The following EYS variants were observed in gnomAD, a reference collection of about 807,000 sequenced individuals.
The protein encoded by EYS is protein eyes shut homolog.
EYS carries 250 observed loss-of-function variants against 282.1 expected under a neutral mutation model. The ratio of observed to expected loss-of-function variants is 0.89; its 90% CI spans 0.80 to 0.98. The LOEUF (loss-of-function observed/expected upper bound fraction) is 0.98. Ranked by LOEUF, EYS falls within the 50% of genes least tolerant of loss-of-function variation. The pLI is 0.00. For synonymous variants in EYS, 1,355 were observed against 1,282.9 expected (o/e 1.06, Z -1.20); for missense variants, 4,016 against 3,709.0 (o/e 1.08, Z -2.15).
intron 22 of EYS, among the ~76,000 whole-genome samples, chr6:64,800,479 G>GT (rs941674037): frequency 7.9e-5 from 12 of 151,118 alleles, no homozygotes; most frequent in East Asian, 7.8e-4. Context: ...AACATATGCA[G>GT]TTTTTTTTCA....
intron 15 of EYS, among the ~76,000 whole-genome samples, chr6:64,941,238 A>T (rs1769080252): frequency 6.6e-6 from 1 of 151,880 alleles, no homozygotes; most frequent in Admixed American, 6.6e-5. Context: ...AAAATTATCC[A>T]GGCATGGTGT....
At chr6:64,210,883 G>A (rs533592248) in intron 31 of EYS, among the ~76,000 whole-genome samples, 1 of 152,180 alleles carries the variant, frequency 6.6e-6, no homozygotes, top group Non-Finnish European at 1.5e-5. Context: ...GAAGAAGGGT[G>A]AATTCTCTCT....
At chr6:64,544,479 T>G (rs1764787507) in intron 26 of EYS, among the ~76,000 whole-genome samples, 1 of 152,076 alleles carries the variant, frequency 6.6e-6, no homozygotes, top group African/African-American at 2.4e-5. Context: ...AATTGTGGTG[T>G]CACTTGAAGT....
rs1032960460 is a variant in EYS, at chr6:64,543,893, C to CT, written c.5644+46329dup. On this transcript the variant is annotated intron_variant, in intron 26 of 42. Transcript: ENST00000503581. ...GATCTTAAGGTATCACAAAGAGAAA[C>CT]TTGTAGGTTTAGTATTCAAACTTTA... is the stretch of plus-strand genomic sequence containing the variant. 1.0e-3 allele frequency among the ~76,000 whole-genome samples: 152 copies of CT among 152,206 alleles called. 1 individual carries two copies. The highest frequency in any genetic ancestry group is 3.4e-3 in the Middle Eastern group (1 of 294).
At chr6:64,807,022 GGT>G (rs1764450973) in intron 22 of EYS, among the ~76,000 whole-genome samples, 2 of 151,994 alleles carry the variant, frequency 1.3e-5, no homozygotes, top group South Asian at 2.1e-4. Context: ...AGCTTTTACA[GGT>G]TAATAAAACT....
chr6:64,026,904 G>C (rs1055892673), intron 33 of EYS, among the ~76,000 whole-genome samples: 3 of 152,174 alleles, frequency 2.0e-5, no homozygotes, highest in African/African-American at 4.8e-5. Flanking sequence ...AGGCAGACCT[G>C]GGGAAGTTTT....
chr6:64,768,406 T>C (rs1295569074), intron 22 of EYS, among the ~76,000 whole-genome samples: 2 of 152,190 alleles, frequency 1.3e-5, no homozygotes, highest in Non-Finnish European at 2.9e-5. Context: ...ACAGGGGTGA[T>C]GAAATTGAAT....
intron 5 of EYS, among the ~76,000 whole-genome samples, chr6:65,453,279 G>A (rs975989081): frequency 9.2e-5 from 14 of 152,102 alleles, no homozygotes; most frequent in East Asian, 3.9e-4. Flanking sequence ...CATTTAGATA[G>A]CATTTGGCAT....
rs1562199397 is a variant in EYS, at chr6:64,802,024, T to TTTTTTTC, written c.3443+11353_3443+11354insGAAAAAA. On this transcript the variant is annotated intron_variant, in intron 22 of 42. Coordinates refer to ENST00000503581, the MANE Select transcript of EYS (RefSeq NM_001142800.2). ...GAGAGTTATAACAAATTTCTTTTTCTTTTTTTTTCTTTTTTTTTTTTTTTT... is the reference window on the plus strand; with the variant it reads ...GAGAGTTATAACAAATTTCTTTTTCTTTTTTTCTTTTTTTTCTTTTTTTTTTTTTTTT... Among the ~76,000 whole-genome samples, 70 of 79,040 alleles carry TTTTTTTC rather than the reference T, an allele frequency of 8.9e-4. 1 individual carries two copies. The highest frequency in any genetic ancestry group is 4.1e-3 in the African/African-American group (67 of 16,242). The allele number at this position is 79,040 out of a possible 152,430, so 51.9% of individuals were successfully genotyped here. A position where few individuals can be genotyped will look rare whatever the true frequency, so the allele number is the denominator to read the frequency against.
rs574674119 is a variant in EYS, at chr6:64,942,492, C to T, written c.2381+3301G>A. On this transcript the variant is annotated intron_variant, in intron 15 of 42. Coordinates refer to ENST00000503581, the MANE Select transcript of EYS (RefSeq NM_001142800.2). ...ACTGTCTACATTAACAAAGAAAAAA[C>T]GACAGAAGATCCAAATAAGTACAGT... Among the ~76,000 whole-genome samples the T allele has an allele frequency of 1.6e-3, 226 of 142,936 alleles. 1 individual carries two copies. The highest frequency in any genetic ancestry group is 5.9e-4 in the Non-Finnish European group (39 of 65,832). The allele number at this position is 142,936 out of a possible 152,430, so 93.8% of individuals were successfully genotyped here.
At chr6:63,756,836 C>T (rs531580471) in intron 41 of EYS, among the ~76,000 whole-genome samples, 153 of 152,270 alleles carry the variant, frequency 1.0e-3, no homozygotes, top group Non-Finnish European at 1.7e-3. Flanking sequence ...GTTTCATGGA[C>T]ATTTATCAGT....
intron 22 of EYS, among the ~76,000 whole-genome samples, chr6:64,758,911 G>A (rs986444415): frequency 1.8e-4 from 27 of 152,236 alleles, no homozygotes; most frequent in African/African-American, 3.6e-4. Context: ...GGCCGAGGTC[G>A]GCGGATCACT....
intron 35 of EYS, among the ~76,000 whole-genome samples, chr6:63,870,630 T>C (rs1772778832): frequency 6.6e-6 from 1 of 152,162 alleles, no homozygotes; most frequent in Non-Finnish European, 1.5e-5. Context: ...TTTAGAGGTG[T>C]TCTTGCTTCT....
chr6:64,606,328 C>T (rs920987374), intron 24 of EYS, among the ~76,000 whole-genome samples: 2 of 151,994 alleles, frequency 1.3e-5, no homozygotes, highest in Non-Finnish European at 2.9e-5. Context: ...ACTTGCTACA[C>T]TTGACCTCCT....
chr6:65,203,944 G>A (rs1345643545), intron 12 of EYS, among the ~76,000 whole-genome samples: 1 of 151,866 alleles, frequency 6.6e-6, no homozygotes, highest in African/African-American at 2.4e-5. Flanking sequence ...TAACAGTAGA[G>A]TAGAAAAAAG....
chr6:64,105,031 ATGAG>A (rs991930334), intron 31 of EYS, among the ~76,000 whole-genome samples: 1 of 151,826 alleles, frequency 6.6e-6, no homozygotes, highest in African/African-American at 2.4e-5. Flanking sequence ...AGATGAATGA[ATGAG>A]AGAGAGGGGG....
intron 12 of EYS, among the ~76,000 whole-genome samples, chr6:65,090,785 A>T (rs182789410): frequency 1.3e-5 from 2 of 151,564 alleles, no homozygotes; most frequent in African/African-American, 4.9e-5. Context: ...ACAAAGTAAT[A>T]GACAAAGTAA....
intron 2 of EYS, among the ~76,000 whole-genome samples, chr6:65,606,258 T>A (rs1463288685): frequency 1.3e-5 from 2 of 151,786 alleles, no homozygotes. Context: ...TAATATTCTA[T>A]ACACACAAAT....
At chr6:63,887,737 G>A (rs1773301011) in intron 35 of EYS, among the ~76,000 whole-genome samples, 1 of 150,846 alleles carries the variant, frequency 6.6e-6, no homozygotes, top group African/African-American at 2.4e-5. Flanking sequence ...CAGCCGTTTG[G>A]GCAGCCACTG....
Sources: allele counts gnomAD v4.1 joint callset (sites outside exome capture counted in the v4.1 genomes callset), GRCh38; gene constraint gnomAD v4.1.1; transcripts MANE v1.5; gene names NCBI Gene and HGNC (gene_info 2026-07-23, HGNC 2026-07-21).